The following PHACTR2 variants were observed in gnomAD, a reference collection of about 807,000 sequenced individuals.
PHACTR2 encodes phosphatase and actin regulator 2, also known as chromosome 6 open reading frame 56.
In PHACTR2, 30 loss-of-function variants were observed where a neutral mutation model predicts 76.0. That is an observed-to-expected ratio of 0.39 (90% CI 0.30 to 0.54). The LOEUF (loss-of-function observed/expected upper bound fraction) is 0.54. Among genes scored for constraint, PHACTR2 ranks in the 20% least tolerant of loss-of-function variants. The pLI is 0.61. For synonymous variants in PHACTR2, 292 were observed against 292.5 expected, an observed-to-expected ratio of 1.00 and a Z score of 0.02; for missense variants, 696 against 781.1, an observed-to-expected ratio of 0.89 and a Z score of 1.30.
rs2128434447 is a variant in PHACTR2, at chr6:143,591,820, C to T, written c.217+54613C>T. Among the ~76,000 whole-genome samples, 1 of 152,350 alleles carries T rather than the reference C, an allele frequency of 6.6e-6. No homozygotes were observed. The highest frequency in any genetic ancestry group is 6.5e-5 in the Admixed American group (1 of 15,298). ...GCCACCTGGAACCCAGACATCCTTT[C>T]CTATGCCATGTTTTGGTTACTTTGG... On this transcript the variant is annotated intron_variant, in intron 1 of 11. Transcript: ENST00000367584. This position sits in a 1 kb window ranked among gnomAD's most constrained non-coding sequence, Gnocchi z 6.4.
intron 2 of PHACTR2, among the ~76,000 whole-genome samples, chr6:143,735,828 T>C (rs1778804773): frequency 1.3e-5 from 2 of 152,148 alleles, no homozygotes; most frequent in Non-Finnish European, 1.5e-5. Context: ...TTTGGATAAT[T>C]TGGGTAATTT....
chr6:143,700,281 G>A lies in PHACTR2; in HGVS notation c.47-11735G>A, dbSNP rs1049778032. On this transcript the variant is annotated intron_variant, in intron 1 of 12. Transcript: ENST00000440869. This position sits in a 1 kb window ranked among gnomAD's most constrained non-coding sequence, Gnocchi z 4.1. ...AAAAACTGTGATATTTCAGCCAGGC[G>A]CGGTGGCTCATGCCTGTAAACCAAA... is the stretch of plus-strand genomic sequence containing the variant. Among the ~76,000 whole-genome samples, 21 of 152,042 alleles carry A rather than the reference G, an allele frequency of 1.4e-4. No homozygotes were observed. Among genetic ancestry groups the A allele is most frequent in the African/African-American group, 4.6e-4 (19 of 41,392 alleles).
In PHACTR2 at chr6:143,823,574, G is replaced by A; in HGVS notation, c.1923-100G>A. On this transcript the variant is annotated intron_variant, in intron 12 of 12. Coordinates refer to ENST00000440869, the MANE Select transcript of PHACTR2 (RefSeq NM_001100164.2). This position sits in a 1 kb window ranked among gnomAD's most constrained non-coding sequence, Gnocchi z 5.7. ...AGTAATTCAGTTGGGGGATATCTGG[G>A]GTACCTTTTCATTGTAAACATGACC... 1.3e-6 allele frequency: 1 copy of A among 788,510 alleles called. No homozygotes were observed. The highest frequency in any genetic ancestry group is 1.6e-5 in the South Asian group (1 of 64,180). The allele number at this position is 788,510 out of a possible 1,614,324, so 48.8% of individuals were successfully genotyped here.
At chr6:143,682,480 T>C (rs1777414324) in intron 1 of PHACTR2, among the ~76,000 whole-genome samples, 1 of 152,112 alleles carries the variant, frequency 6.6e-6, no homozygotes, top group Admixed American at 6.5e-5. Flanking sequence ...CTTCCAATAT[T>C]GCAGGGATTA....
At position 143,706,120 on chromosome 6, in the gene PHACTR2, C is replaced by A. The variant is rs1582792698; in HGVS notation, c.47-5896C>A. On this transcript the variant is annotated intron_variant, in intron 1 of 12. Coordinates refer to ENST00000440869, the MANE Select transcript of PHACTR2 (RefSeq NM_001100164.2). ...TGGCCTTTGGAAACTCTTGAGTGGGCTCCTCTGTCCCTTTAACCTACCTCC... is the reference window on the plus strand; with the variant it reads ...TGGCCTTTGGAAACTCTTGAGTGGGATCCTCTGTCCCTTTAACCTACCTCC... Among the ~76,000 whole-genome samples the A allele has an allele frequency of 3.3e-5, 5 of 152,276 alleles. No individual in the cohort carries two copies. In the South Asian group the frequency reaches 1.0e-3, roughly 32 times the overall value.
At position 143,811,704 on chromosome 6, in the gene PHACTR2, C is replaced by T. The variant is rs1430368863; in HGVS notation, c.1922+4571C>T. Among the ~76,000 whole-genome samples, 1 of 151,902 alleles carries T rather than the reference C, an allele frequency of 6.6e-6. No homozygotes were observed. The highest frequency in any genetic ancestry group is 2.4e-5 in the African/African-American group (1 of 41,350). On this transcript the variant is annotated intron_variant, in intron 12 of 12. Transcript: ENST00000440869. This position sits in a 1 kb window ranked among gnomAD's most constrained non-coding sequence, Gnocchi z 4.1. ...TTTTCCATTAACTTATGACATCATT[C>T]GAGATATATTCCAGTAGGGATATAG...
intron 1 of PHACTR2, among the ~76,000 whole-genome samples, chr6:143,574,254 G>A (rs1355374231): frequency 6.6e-6 from 1 of 152,138 alleles, no homozygotes; most frequent in Non-Finnish European, 1.5e-5. Context: ...GAGAATCCCG[G>A]TCTCTAGTTC....
chr6:143,708,110 A>G lies in PHACTR2; in HGVS notation c.47-3906A>G, dbSNP rs528769943. Among the ~76,000 whole-genome samples, 1 of 152,324 alleles carries G rather than the reference A, an allele frequency of 6.6e-6. No individual in the cohort carries two copies. The highest frequency in any genetic ancestry group is 2.1e-4 in the South Asian group (1 of 4,824). ...GAGATTTGGGTGAGGATACATTTCT[A>G]AACCTTATCAATATGATAATTATCT... On this transcript the variant is annotated intron_variant, in intron 1 of 12. Transcript: ENST00000440869. This position sits in a 1 kb window ranked among gnomAD's most constrained non-coding sequence, Gnocchi z 5.5.
rs139532405 is a variant in PHACTR2, at chr6:143,793,676, G to T, written c.1845+4766G>T. Among the ~76,000 whole-genome samples the T allele has an allele frequency of 3.9e-5, 6 of 152,118 alleles. No individual in the cohort carries two copies. In the East Asian group the frequency reaches 1.2e-3, roughly 29 times the overall value. The stretch of plus-strand genomic sequence containing the variant: ...AATCCTAGCACTTTGGGAGGCCAAG[G>T]TTTCTTGAGCTCAAGATTTCTTGAG... On this transcript the variant is annotated intron_variant, in intron 11 of 12. Coordinates refer to ENST00000440869, the MANE Select transcript of PHACTR2 (RefSeq NM_001100164.2). The surrounding 1 kb of genome is among the most constrained non-coding windows in gnomAD (Gnocchi z 4.4).
chr6:143,593,023 G>A (rs943927509), intron 1 of PHACTR2, among the ~76,000 whole-genome samples: 1 of 145,138 alleles, frequency 6.9e-6, no homozygotes, highest in Non-Finnish European at 1.5e-5. Flanking sequence ...CTCCGGCCTG[G>A]GTGACAGAGC....
chr6:143,698,934 T>C lies in PHACTR2; in HGVS notation c.47-13082T>C, dbSNP rs1777835152. 6.6e-6 allele frequency among the ~76,000 whole-genome samples: 1 copy of C among 152,236 alleles called. No homozygotes were observed. The highest frequency in any genetic ancestry group is 6.5e-5 in the Admixed American group (1 of 15,294). ...CCCTGGGTCTCCTTGGCAACACTGT[T>C]GCCCTGGTAATTCTCTTCAATGGTG... On this transcript the variant is annotated intron_variant, in intron 1 of 12. Transcript: ENST00000440869. This position sits in a 1 kb window ranked among gnomAD's most constrained non-coding sequence, Gnocchi z 4.3.
At position 143,733,629 on chromosome 6, in the gene PHACTR2, T is replaced by C. The variant is rs1778755932; in HGVS notation, c.215-15356T>C. 2.6e-5 allele frequency among the ~76,000 whole-genome samples: 4 copies of C among 152,318 alleles called. No homozygotes were observed. The South Asian group carries it at 8.3e-4, about 32-fold the overall frequency. On this transcript the variant is annotated intron_variant, in intron 2 of 12. Transcript: ENST00000440869. The surrounding 1 kb of genome is among the most constrained non-coding windows in gnomAD (Gnocchi z 4.0). ...CCCTGAAAAGCCATAACAGACTAAA[T>C]GAATATTTTACCAATTTAGTGGGTA...
Position 143,652,127 on chromosome 6 carries a change from G to A in PHACTR2, c.13+43805G>A, listed in dbSNP as rs908484368. Among the ~76,000 whole-genome samples the A allele has an allele frequency of 4.0e-5, 6 of 150,914 alleles. No individual in the cohort carries two copies. Among genetic ancestry groups the A allele is most frequent in the Non-Finnish European group, 7.4e-5 (5 of 67,858 alleles). On this transcript the variant is annotated intron_variant, in intron 1 of 11. Transcript: ENST00000305766. The surrounding 1 kb of genome is among the most constrained non-coding windows in gnomAD (Gnocchi z 4.5). ...TCTGCTTTATACTAAAAATGATGGCGGTGATGGGGGAACCGTTTACTAGGT... is the reference window on the plus strand; with the variant it reads ...TCTGCTTTATACTAAAAATGATGGCAGTGATGGGGGAACCGTTTACTAGGT...
rs35759832 is a variant in PHACTR2 at position 143,778,473 on chromosome 6, C to CTT, written c.1645+1101_1645+1102dup. Reference sequence around the variant, plus strand: ...CTTTCTTTGGAATGCTTTTTTCTGGCTTTTTTTTTTTTGACATAACTAGAA... The same window carrying CTT: ...CTTTCTTTGGAATGCTTTTTTCTGGCTTTTTTTTTTTTTTGACATAACTAGAA... On this transcript the variant is annotated intron_variant, in intron 9 of 12. Coordinates refer to ENST00000440869, the MANE Select transcript of PHACTR2 (RefSeq NM_001100164.2). Among the ~76,000 whole-genome samples, 162 of 144,220 alleles carry CTT rather than the reference C, an allele frequency of 1.1e-3. 3 individuals are homozygous for CTT. The highest frequency in any genetic ancestry group is 1.1e-3 in the South Asian group (5 of 4,558). The allele number at this position is 144,220 out of a possible 152,430, so 94.6% of individuals were successfully genotyped here. A position where few individuals can be genotyped will look rare whatever the true frequency, so the allele number is the denominator to read the frequency against.
chr6:143,590,523 A>C (rs767921506), intron 1 of PHACTR2, among the ~76,000 whole-genome samples: 1 of 151,764 alleles, frequency 6.6e-6, no homozygotes, highest in African/African-American at 2.4e-5. Flanking sequence ...GATCAGTGTT[A>C]GAAAGCTAAT....
At chr6:143,579,929 TC>T (rs935529936) in intron 1 of PHACTR2, among the ~76,000 whole-genome samples, 21 of 152,152 alleles carry the variant, frequency 1.4e-4, no homozygotes, top group African/African-American at 5.1e-4. Context: ...AGGAGCTGCG[TC>T]CAAGCTGACT....
rs1775173101 is a variant in PHACTR2, at chr6:143,556,290, A to G, written c.217+19083A>G. 2.0e-5 allele frequency among the ~76,000 whole-genome samples: 3 copies of G among 152,206 alleles called. No homozygotes were observed. The highest frequency in any genetic ancestry group is 4.8e-5 in the African/African-American group (2 of 41,462). On this transcript the variant is annotated intron_variant, in intron 1 of 11. Coordinates refer to the PHACTR2 transcript ENST00000367584. The surrounding 1 kb of genome is among the most constrained non-coding windows in gnomAD (Gnocchi z 4.3). ...TTTATTTCAGGACATTAAGGTATGGACTTTAGGTGTGGGGCATCTCCAATG... is the reference window on the plus strand; with the variant it reads ...TTTATTTCAGGACATTAAGGTATGGGCTTTAGGTGTGGGGCATCTCCAATG...
At chr6:143,796,826 T>C (rs1775839245) in intron 11 of PHACTR2, among the ~76,000 whole-genome samples, 1 of 152,148 alleles carries the variant, frequency 6.6e-6, no homozygotes, top group Non-Finnish European at 1.5e-5. Flanking sequence ...GACATATGGG[T>C]TGGTTCCATG....
intron 2 of PHACTR2, among the ~76,000 whole-genome samples, chr6:143,728,192 T>C (rs1353552225): frequency 6.6e-6 from 1 of 150,458 alleles, no homozygotes; most frequent in African/African-American, 2.4e-5. Flanking sequence ...TTTGTTCTTC[T>C]TTCTTTCCTT....
Sources: allele counts gnomAD v4.1 joint callset (sites outside exome capture counted in the v4.1 genomes callset), GRCh38; gene constraint gnomAD v4.1.1; non-coding constraint Gnocchi (gnomAD v3.1); transcripts MANE v1.5; gene names NCBI Gene and HGNC (gene_info 2026-07-23, HGNC 2026-07-21).